The following DPP6 variants were observed in gnomAD, a reference collection of about 807,000 sequenced individuals.
DPP6 encodes dipeptidyl peptidase like 6, also known as A-type potassium channel modulatory protein DPP6.
DPP6 carries 69 observed loss-of-function variants against 122.6 expected under a neutral mutation model. That is an observed-to-expected ratio of 0.56 (90% confidence interval 0.46 to 0.69). The LOEUF (loss-of-function observed/expected upper bound fraction) is 0.69, where lower values mean the gene tolerates loss of function less well. DPP6 is among the 30% of genes least tolerant of loss of function. The pLI, the probability that DPP6 is intolerant of heterozygous loss-of-function variation, is 0.00. For synonymous variants in DPP6, 418 were observed against 433.1 expected (o/e 0.97, Z 0.43); for missense variants, 928 against 1,116.9 (o/e 0.83, Z 2.41).
the DPP6 span, among the ~76,000 whole-genome samples, chr7:153,843,594 G>A: frequency 6.6e-6 from 1 of 152,160 alleles, no homozygotes; most frequent in Non-Finnish European, 1.5e-5. Flanking sequence ...GAGGGTGGGG[G>A]TAGGTTAGTG....
At chr7:154,715,747 A>G (rs1464279634) in intron 7 of DPP6, among the ~76,000 whole-genome samples, 1 of 152,148 alleles carries the variant, frequency 6.6e-6, no homozygotes, top group African/African-American at 2.4e-5. Flanking sequence ...TTTATGTTGT[A>G]TAAAATATGG....
intron 6 of DPP6, among the ~76,000 whole-genome samples, chr7:154,658,158 G>A (rs921366532): frequency 9.2e-5 from 14 of 152,204 alleles, no homozygotes; most frequent in Non-Finnish European, 1.5e-5. Context: ...GGCAAAGGGT[G>A]AACCCTAATG....
At chr7:153,754,917 CGTGA>C in the DPP6 span, among the ~76,000 whole-genome samples, 1 of 151,486 alleles carries the variant, frequency 6.6e-6, no homozygotes, top group South Asian at 2.1e-4. Context: ...TTTAATTCAC[CGTGA>C]GTATCTTTGC....
At chr7:154,056,102 A>G (rs1170386741) in intron 1 of DPP6, among the ~76,000 whole-genome samples, 3 of 152,244 alleles carry the variant, frequency 2.0e-5, no homozygotes, top group South Asian at 2.1e-4. Flanking sequence ...TTAATAATGC[A>G]TGGTCTAAAT....
intron 1 of DPP6, among the ~76,000 whole-genome samples, chr7:154,137,620 C>A (rs1006991889): frequency 6.9e-5 from 6 of 86,750 alleles, no homozygotes; most frequent in African/African-American, 2.4e-4. Context: ...GCTGAGGGGA[C>A]GAAGCAGCAG....
At chr7:153,918,592 C>CAGAG (rs1563006289) in intron 1 of DPP6, among the ~76,000 whole-genome samples, 7 of 97,026 alleles carry the variant, frequency 7.2e-5, no homozygotes, top group Non-Finnish European at 1.5e-4. Flanking sequence ...CTCTCTCTCT[C>CAGAG]TCTCTCTCTC....
intron 7 of DPP6, among the ~76,000 whole-genome samples, chr7:154,689,027 C>T (rs1352457960): frequency 6.6e-6 from 1 of 152,036 alleles, no homozygotes; most frequent in African/African-American, 2.4e-5. Flanking sequence ...ATAATTACAC[C>T]CTCTCCAAAT....
chr7:154,594,300 G>A (rs1018577599), intron 5 of DPP6, among the ~76,000 whole-genome samples: 6 of 152,128 alleles, frequency 3.9e-5, no homozygotes, highest in African/African-American at 1.2e-4. Flanking sequence ...AAAACTGCCC[G>A]ACAGCTCACG....
At chr7:154,178,436 A>G (rs1797913564) in intron 1 of DPP6, among the ~76,000 whole-genome samples, 1 of 151,960 alleles carries the variant, frequency 6.6e-6, no homozygotes, top group African/African-American at 2.4e-5. Context: ...AGAAAAGTAC[A>G]ATAAATGGGT....
chr7:154,567,972 G>A (rs1253011120), intron 5 of DPP6, among the ~76,000 whole-genome samples: 2 of 152,072 alleles, frequency 1.3e-5, no homozygotes, highest in Non-Finnish European at 2.9e-5. Context: ...GATTTTTTTG[G>A]ACTCTGTTTC....
At chr7:154,195,074 T>C (rs1218274413) in intron 1 of DPP6, among the ~76,000 whole-genome samples, 1 of 152,154 alleles carries the variant, frequency 6.6e-6, no homozygotes, top group Non-Finnish European at 1.5e-5. Context: ...GTAGAGAGGG[T>C]CACAAGGTTC....
At chr7:153,976,124 G>A (rs1369451651) in intron 1 of DPP6, among the ~76,000 whole-genome samples, 1 of 152,098 alleles carries the variant, frequency 6.6e-6, no homozygotes, top group African/African-American at 2.4e-5. Flanking sequence ...GAAGGGGAGG[G>A]TGAACTGCAA....
chr7:154,298,996 A>C (rs2150976413), intron 1 of DPP6, among the ~76,000 whole-genome samples: 1 of 152,238 alleles, frequency 6.6e-6, no homozygotes, highest in Non-Finnish European at 1.5e-5. Flanking sequence ...AACAAGAAAT[A>C]ATTCCCCAGG....
chr7:154,828,988 A>T (rs1800409872), intron 16 of DPP6, among the ~76,000 whole-genome samples: 1 of 152,228 alleles, frequency 6.6e-6, no homozygotes. Flanking sequence ...TATCATCAAT[A>T]ATGCAGATAA....
At chr7:153,887,966 CCTT>C (rs2128991860) in intron 1 of DPP6, among the ~76,000 whole-genome samples, 1 of 152,318 alleles carries the variant, frequency 6.6e-6, no homozygotes, top group South Asian at 2.1e-4. Context: ...CGGCCCCTCT[CCTT>C]CGGGCATGTG....
rs1182160361 is a variant in DPP6 at position 154,755,743 on chromosome 7, G to A, written c.884-13674G>A. On this transcript the variant is annotated intron_variant, in intron 8 of 25. Transcript: ENST00000377770. The surrounding 1 kb of genome is among the most constrained non-coding windows in gnomAD (Gnocchi z 4.7). ...TAAAAGCCACACACACATTTTCCCT[G>A]TAAATCTTGATAGGAAGAAGGAAAA... 6.6e-6 allele frequency among the ~76,000 whole-genome samples: 1 copy of A among 152,180 alleles called. No homozygotes were observed. The highest frequency in any genetic ancestry group is 1.5e-5 in the Non-Finnish European group (1 of 68,032).
intron 8 of DPP6, among the ~76,000 whole-genome samples, chr7:154,756,778 T>C (rs1056109903): frequency 2.0e-5 from 3 of 152,114 alleles, no homozygotes; most frequent in Admixed American, 6.5e-5. Flanking sequence ...GATACTTGAT[T>C]CAGCTCGCGA....
chr7:154,469,079 A>G (rs1356161485), intron 2 of DPP6, among the ~76,000 whole-genome samples: 2 of 152,214 alleles, frequency 1.3e-5, no homozygotes, highest in East Asian at 1.9e-4. Context: ...TGCGATTCCT[A>G]ACTAAAACAG....
rs367949274 is a variant in DPP6, at chr7:154,251,772, C to T, written c.244-194442C>T. On this transcript the variant is annotated intron_variant, in intron 1 of 25. Transcript: ENST00000377770. ...ATGAAGGCCGGAAGTCTCAGCAAGT[C>T]GGCTTCTCCCACCTTCTCCTGCCTG... 1.0e-3 allele frequency among the ~76,000 whole-genome samples: 150 copies of T among 143,660 alleles called. 2 individuals carry two copies. In the South Asian group the frequency reaches 0.014, roughly 14 times the overall value. The allele number at this position is 143,660 out of a possible 152,430, so 94.2% of individuals were successfully genotyped here.
Sources: gnomAD v4.1 joint callset for allele counts (sites outside exome capture counted in the v4.1 genomes callset) on GRCh38, gnomAD v4.1.1 for gene constraint, Gnocchi (gnomAD v3.1) non-coding constraint, MANE v1.5 for transcripts, NCBI Gene and HGNC (gene_info 2026-07-23, HGNC 2026-07-21) for gene names.